The following PCSK6 variants were observed in gnomAD, a reference collection of about 807,000 sequenced individuals.
PCSK6 encodes the protein paired basic amino acid cleaving enzyme 4.
PCSK6 carries 85 observed loss-of-function variants against 123.3 expected under a neutral mutation model. The observed-to-expected ratio is 0.69, with a 90% CI of 0.58 to 0.83. The LOEUF (loss-of-function observed/expected upper bound fraction) is 0.83, where lower values mean the gene tolerates loss of function less well. Ranked by LOEUF, PCSK6 falls within the 40% of genes least tolerant of loss-of-function variation. The pLI is 0.00. For synonymous variants in PCSK6, 508 were observed against 516.0 expected, an observed-to-expected ratio of 0.98 and a Z score of 0.21; for missense variants, 1,191 against 1,282.3, an observed-to-expected ratio of 0.93 and a Z score of 1.09.
intron 13 of PCSK6, among the ~76,000 whole-genome samples, chr15:101,343,780 T>G (rs2040671218): frequency 6.6e-6 from 1 of 152,206 alleles, no homozygotes; most frequent in South Asian, 2.1e-4. Context: ...TCATAAATCT[T>G]CCATTCGTGT....
chr15:101,372,493 CT>C (rs1407776504), intron 11 of PCSK6, among the ~76,000 whole-genome samples: 1 of 152,248 alleles, frequency 6.6e-6, no homozygotes, highest in Non-Finnish European at 1.5e-5. Flanking sequence ...TCATTGCCTT[CT>C]CCCAAGCTTT....
chr15:101,355,145 T>C (rs969158611), intron 13 of PCSK6, among the ~76,000 whole-genome samples: 6 of 152,204 alleles, frequency 3.9e-5, no homozygotes, highest in African/African-American at 1.2e-4. Flanking sequence ...TGGAAACAGA[T>C]GAAAGATCAG....
intron 6 of PCSK6, among the ~76,000 whole-genome samples, chr15:101,419,669 C>A (rs115358970): frequency 6.8e-6 from 1 of 147,138 alleles, no homozygotes; most frequent in East Asian, 2.0e-4. Flanking sequence ...ACCAAAAAAA[C>A]AAAAACAAAA....
intron 1 of PCSK6, among the ~76,000 whole-genome samples, chr15:101,456,358 C>T (rs1468906884): frequency 1.3e-5 from 2 of 152,242 alleles, no homozygotes; most frequent in African/African-American, 4.8e-5. Flanking sequence ...ACCCTGACTC[C>T]TGGGCTGCTC....
chr15:101,398,385 T>C lies in PCSK6; in HGVS notation c.996+19A>G. The C allele has an allele frequency of 1.3e-6, 2 of 1,598,018 alleles. No homozygotes were observed. The highest frequency in any genetic ancestry group is 1.7e-6 in the Non-Finnish European group (2 of 1,168,756). On this transcript the variant is annotated intron_variant, in intron 7 of 21. Coordinates refer to ENST00000611716, the MANE Select transcript of PCSK6 (RefSeq NM_002570.5). The surrounding 1 kb of genome is among the most constrained non-coding windows in gnomAD (Gnocchi z 4.6). Reference sequence around the variant, plus strand: ...ACCCTTGTCCCAGAGCGCTCCCCTGTAGCCCTGGTTACTCACACCTTTTTA... The same window carrying C: ...ACCCTTGTCCCAGAGCGCTCCCCTGCAGCCCTGGTTACTCACACCTTTTTA...
intron 1 of PCSK6, among the ~76,000 whole-genome samples, chr15:101,453,973 T>C (rs1169810257): frequency 1.3e-5 from 2 of 152,144 alleles, no homozygotes; most frequent in East Asian, 3.9e-4. Flanking sequence ...GAGAACAAAC[T>C]ACACTGAGCA....
intron 8 of PCSK6, among the ~76,000 whole-genome samples, chr15:101,392,308 C>T (rs563375602): frequency 6.6e-6 from 1 of 152,346 alleles, no homozygotes; most frequent in Admixed American, 6.5e-5. Flanking sequence ...GGCCGAGCTG[C>T]TACCAGGCTG....
intron 13 of PCSK6, among the ~76,000 whole-genome samples, chr15:101,340,403 C>G (rs2040574455): frequency 6.6e-6 from 1 of 152,206 alleles, no homozygotes; most frequent in African/African-American, 2.4e-5. Context: ...CCTGTGTGTA[C>G]AATGGACAAC....
intron 11 of PCSK6, among the ~76,000 whole-genome samples, chr15:101,373,081 G>GAA (rs71287806): frequency 2.0e-5 from 3 of 149,524 alleles, no homozygotes; most frequent in Non-Finnish European, 3.0e-5. Context: ...CGAACACCTA[G>GAA]AAAAAAAAAA....
intron 2 of PCSK6, among the ~76,000 whole-genome samples, chr15:101,442,171 C>T (rs1394059258): frequency 2.0e-5 from 3 of 152,204 alleles, no homozygotes; most frequent in Non-Finnish European, 4.4e-5. Flanking sequence ...AATCTCACCC[C>T]CATGTGATGG....
intron 7 of PCSK6, among the ~76,000 whole-genome samples, chr15:101,394,508 C>A (rs1181765270): frequency 1.3e-5 from 2 of 152,120 alleles, no homozygotes; most frequent in African/African-American, 4.8e-5. Flanking sequence ...GCACAGCTGG[C>A]CCGAGAGAAG....
chr15:101,483,043 T>G (rs1444244192), intron 1 of PCSK6, among the ~76,000 whole-genome samples: 1 of 152,212 alleles, frequency 6.6e-6, no homozygotes, highest in Non-Finnish European at 1.5e-5. Flanking sequence ...ACAACCCTCA[T>G]CTTGCCTCTG....
At chr15:101,320,844 C>T (rs2040103199) in intron 18 of PCSK6, among the ~76,000 whole-genome samples, 3 of 152,192 alleles carry the variant, frequency 2.0e-5, no homozygotes, top group Admixed American at 2.0e-4. Flanking sequence ...GCTGGCGATG[C>T]GTCTGGAGTT....
chr15:101,309,143 A>G (rs1430611859), intron 20 of PCSK6: 1 of 152,782 alleles, frequency 6.5e-6, no homozygotes, highest in Admixed American at 6.5e-5. Flanking sequence ...GCTCCCCGCT[A>G]TGCAGGCAGA....
chr15:101,310,718 G>A (rs1379750097), intron 20 of PCSK6, among the ~76,000 whole-genome samples: 2 of 152,110 alleles, frequency 1.3e-5, no homozygotes, highest in East Asian at 3.9e-4. Context: ...AGGGCTTGGT[G>A]GTCCCTCATG....
intron 6 of PCSK6, among the ~76,000 whole-genome samples, chr15:101,402,864 G>A (rs1242284884): frequency 3.9e-5 from 6 of 152,086 alleles, no homozygotes; most frequent in Admixed American, 6.5e-5. Context: ...ACAGTGTGGC[G>A]ATTCCTCAGG....
intron 1 of PCSK6, among the ~76,000 whole-genome samples, chr15:101,488,490 G>A (rs2058073909): frequency 6.6e-6 from 1 of 152,204 alleles, no homozygotes; most frequent in African/African-American, 2.4e-5. Flanking sequence ...GACAGCCGAG[G>A]GCTGCGGGGC....
At chr15:101,391,993 G>A (rs772440882) in intron 8 of PCSK6, among the ~76,000 whole-genome samples, 15 of 152,238 alleles carry the variant, frequency 9.9e-5, no homozygotes, top group South Asian at 4.1e-4. Flanking sequence ...ACACGCTGAC[G>A]TGATTCGTAA....
chr15:101,332,136 T>A, intron 13 of PCSK6, 105 bp from the exon 14 acceptor site: 4 of 1,033,182 alleles, frequency 3.9e-6, no homozygotes, highest in South Asian at 1.7e-5. Context: ...AGCTGGGCTC[T>A]GGCCTGCTAC....
Sources: allele counts gnomAD v4.1 joint callset (sites outside exome capture counted in the v4.1 genomes callset), GRCh38; gene constraint gnomAD v4.1.1; non-coding constraint Gnocchi (gnomAD v3.1); transcripts MANE v1.5; gene names NCBI Gene and HGNC (gene_info 2026-07-23, HGNC 2026-07-21).